Variants in MTMR3 observed in about 807,000 individuals in gnomAD.
The protein encoded by MTMR3 is myotubularin related protein 3, also known as phosphatidylinositol-3,5-bisphosphate 3-phosphatase MTMR3.
MTMR3 carries 32 observed loss-of-function variants against 132.4 expected under a neutral mutation model. The ratio of observed to expected loss-of-function variants is 0.24; its 90% CI spans 0.18 to 0.32. The LOEUF is 0.32. Ranked by LOEUF, MTMR3 falls within the 10% of genes least tolerant of loss-of-function variation. The pLI is 1.00. For synonymous variants in MTMR3, 556 were observed against 550.3 expected (o/e 1.01, Z -0.14); for missense variants, 1,216 against 1,489.6 (o/e 0.82, Z 3.02).
intron 1 of MTMR3, among the ~76,000 whole-genome samples, chr22:29,901,052 A>G (rs1218387535): frequency 3.3e-5 from 5 of 152,144 alleles, no homozygotes; most frequent in African/African-American, 4.8e-5. Context: ...CTTTTAGGCA[A>G]ATGTTAAGAT....
At chr22:29,964,925 C>T (rs2066385112) in intron 2 of MTMR3, among the ~76,000 whole-genome samples, 2 of 152,118 alleles carry the variant, frequency 1.3e-5, no homozygotes, top group Admixed American at 1.3e-4. Flanking sequence ...CTTTCTGATT[C>T]GGTACAGTTT....
At chr22:29,935,627 T>C (rs2065733415) in intron 1 of MTMR3, among the ~76,000 whole-genome samples, 1 of 152,050 alleles carries the variant, frequency 6.6e-6, no homozygotes, top group African/African-American at 2.4e-5. Flanking sequence ...TTGTAGAGAA[T>C]AGAATAAAAG....
At chr22:29,983,332 T>C (rs1480089913) in intron 5 of MTMR3, 2 of 152,268 alleles carry the variant, frequency 1.3e-5, no homozygotes, top group Non-Finnish European at 2.9e-5. Flanking sequence ...CTTTGTTTTT[T>C]GGAGACGGAG....
intron 6 of MTMR3, chr22:29,989,789 C>T (rs1024911812): frequency 1.3e-5 from 2 of 152,190 alleles, no homozygotes; most frequent in Non-Finnish European, 2.9e-5. Flanking sequence ...GAGATGTCAC[C>T]TGGCTTCTGT....
chr22:29,917,452 G>T (rs1380836856), intron 1 of MTMR3, among the ~76,000 whole-genome samples: 1 of 152,220 alleles, frequency 6.6e-6, no homozygotes, highest in Non-Finnish European at 1.5e-5. Context: ...CCCAAGGCCA[G>T]CCTGGGCAAC....
chr22:29,926,450 G>A (rs2065518821), intron 1 of MTMR3, among the ~76,000 whole-genome samples: 1 of 152,142 alleles, frequency 6.6e-6, no homozygotes, highest in Admixed American at 6.5e-5. Flanking sequence ...TTAACTTTTT[G>A]AAGAACTACC....
chr22:29,994,061 T>G, intron 7 of MTMR3: 1 of 962,434 alleles, frequency 1.0e-6, no homozygotes, highest in Non-Finnish European at 1.2e-6. Flanking sequence ...CTGATCCAGG[T>G]ATCCTGAAGA....
chr22:29,990,735 C>T (rs2066945394), intron 6 of MTMR3: 1 of 152,108 alleles, frequency 6.6e-6, no homozygotes, highest in South Asian at 2.1e-4. Context: ...TGCACGCCAC[C>T]ACACCTGGCT....
At chr22:29,895,443 G>T (rs553935838) in intron 1 of MTMR3, among the ~76,000 whole-genome samples, 1 of 152,302 alleles carries the variant, frequency 6.6e-6, no homozygotes, top group South Asian at 2.1e-4. Context: ...CTCTTGGAAA[G>T]CATTTTCTGC....
intron 1 of MTMR3, among the ~76,000 whole-genome samples, chr22:29,928,475 T>G (rs1410393716): frequency 1.3e-5 from 2 of 151,822 alleles, no homozygotes; most frequent in Non-Finnish European, 2.9e-5. Flanking sequence ...CCTGGCCACA[T>G]TTTTTTTCTT....
intron 1 of MTMR3, among the ~76,000 whole-genome samples, chr22:29,942,647 G>A (rs546681786): frequency 3.9e-5 from 6 of 152,298 alleles, no homozygotes; most frequent in South Asian, 4.1e-4. Flanking sequence ...CCTCAGGGAC[G>A]CATTCTCTTT....
chr22:29,890,426 G>A (rs2064773659), intron 1 of MTMR3, among the ~76,000 whole-genome samples: 1 of 151,982 alleles, frequency 6.6e-6, no homozygotes, highest in Admixed American at 6.6e-5. Context: ...CTGAGGCACA[G>A]AGAATCACTT....
Position 30,020,488 on chromosome 22 carries a change from A to T in MTMR3, c.2829A>T (p.Pro943=). ...AAAACAGGGCCTCAGAGCAGCCCCC[A>T]GGTCTTAGCACCCTCCAGATGTACC... ...ETENRASEQP[P]GLSTLQMYPT... is the part of the protein sequence containing the mutation. Residue 943 remains proline, a synonymous_variant, in exon 17 of 20, where the codon CCA becomes CCT. Coordinates refer to ENST00000401950, the MANE Select transcript of MTMR3 (RefSeq NM_021090.4). The T allele has an allele frequency of 6.2e-7, 1 of 1,614,144 alleles. No homozygotes were observed. Among genetic ancestry groups the T allele is most frequent in the South Asian group, 1.1e-5 (1 of 91,070 alleles).
At chr22:30,013,670 T>A in intron 14 of MTMR3, 129 bp downstream of exon 14, 1 of 920,314 alleles carries the variant, frequency 1.1e-6, no homozygotes, top group Non-Finnish European at 1.6e-6. Flanking sequence ...TTCCTGTTTC[T>A]GCTTTTTTTT....
chr22:29,939,024 A>G (rs1455167068), intron 1 of MTMR3, among the ~76,000 whole-genome samples: 20 of 151,404 alleles, frequency 1.3e-4, no homozygotes, highest in African/African-American at 2.4e-5. Context: ...GTTTCACCAT[A>G]TTGGCCAGGC....
chr22:29,988,542 C>T lies in MTMR3; in HGVS notation c.273C>T (p.Cys91=), dbSNP rs1461539387. The change falls in exon 6 of 20, where the codon TGC becomes TGT. Residue 91 remains cysteine, a synonymous_variant. Coordinates refer to ENST00000401950, the MANE Select transcript of MTMR3 (RefSeq NM_021090.4). Reference sequence around the variant, plus strand: ...ATATATTTCAGCTTCATTTGACTTGCAAAGACTGCAAAGTTATCAGGTATG... The same window carrying T: ...ATATATTTCAGCTTCATTTGACTTGTAAAGACTGCAAAGTTATCAGGTATG... ...CRDIFQLHLT[C]KDCKVIRCQF... 1 of 1,611,696 alleles carries T rather than the reference C, an allele frequency of 6.2e-7. No homozygotes were observed. Among genetic ancestry groups the T allele is most frequent in the Non-Finnish European group, 8.5e-7 (1 of 1,178,356 alleles).
chr22:29,888,835 G>A (rs1191314263), intron 1 of MTMR3, among the ~76,000 whole-genome samples: 1 of 144,420 alleles, frequency 6.9e-6, no homozygotes, highest in Admixed American at 7.2e-5. Context: ...GTGCAGTGGC[G>A]CGATCTCGGC....
chr22:29,903,636 G>A (rs975551456), intron 1 of MTMR3, among the ~76,000 whole-genome samples: 1 of 151,892 alleles, frequency 6.6e-6, no homozygotes, highest in African/African-American at 2.4e-5. Flanking sequence ...CGAGAGATCC[G>A]CCTGCCTCAG....
chr22:29,945,739 G>A (rs924021123), intron 1 of MTMR3, among the ~76,000 whole-genome samples: 5 of 148,698 alleles, frequency 3.4e-5, no homozygotes, highest in South Asian at 4.3e-4. Flanking sequence ...AAAAAATTTC[G>A]AGCCAAGAAT....
Sources: allele counts gnomAD v4.1 joint callset (sites outside exome capture counted in the v4.1 genomes callset), GRCh38; gene constraint gnomAD v4.1.1; transcripts MANE v1.5; gene names NCBI Gene and HGNC (gene_info 2026-07-23, HGNC 2026-07-21).